Variants in TWF1 observed in about 807,000 individuals in gnomAD.
TWF1 encodes twinfilin-1.
A neutral mutation model predicts 47.9 loss-of-function variants in TWF1; 14 were observed. The ratio of observed to expected loss-of-function variants is 0.29; its 90% confidence interval spans 0.19 to 0.46. The LOEUF is 0.46. TWF1 is among the 20% of genes least tolerant of loss of function. The pLI, the probability that TWF1 is intolerant of heterozygous loss-of-function variation, is 1.00. For synonymous variants in TWF1, 96 were observed against 139.2 expected, an observed-to-expected ratio of 0.69 and a Z score of 2.18; for missense variants, 281 against 409.3, an observed-to-expected ratio of 0.69 and a Z score of 2.70.
intron 1 of TWF1, 64 bp from the exon 2 acceptor site, chr12:43,804,636 T>C (rs1451725779): frequency 1.5e-5 from 17 of 1,141,868 alleles, no homozygotes; most frequent in African/African-American, 3.2e-5. Flanking sequence ...CCTATCTATA[T>C]TGGAAAAGTT....
intron 2 of TWF1, chr12:43,804,072 GCAAT>G (rs1227135112): frequency 8.7e-6 from 2 of 228,776 alleles, no homozygotes; most frequent in Admixed American, 1.0e-4. Flanking sequence ...GGCAAAGGTT[GCAAT>G]CAAATGGAGA....
At chr12:43,802,733 A>T (rs1942685202) in intron 2 of TWF1, among the ~76,000 whole-genome samples, 1 of 152,198 alleles carries the variant, frequency 6.6e-6, no homozygotes, top group Non-Finnish European at 1.5e-5. Context: ...AGTTGAACTG[A>T]ATGGTCAAAT....
rs372408885 is a variant in TWF1, at chr12:43,795,714, A to G, written c.924T>C (p.Leu308=). The G allele has an allele frequency of 3.7e-6, 6 of 1,613,804 alleles. No individual in the cohort carries two copies. In the African/African-American group the frequency reaches 8.0e-5, roughly 22 times the overall value. Reference sequence around the variant, plus strand: ...GCTGCTTGGGATGTACTTCTTCATAAAGGAAGTCTGCAGTCAACTCATCCC... The same window carrying G: ...GCTGCTTGGGATGTACTTCTTCATAGAGGAAGTCTGCAGTCAACTCATCCC... ...DNGDELTADF[L]YEEVHPKQHA... The change falls in exon 9 of 9, where the codon CTT becomes CTC. Residue 308 remains leucine, a synonymous_variant. Coordinates refer to ENST00000395510, the MANE Select transcript of TWF1 (RefSeq NM_002822.5).
At chr12:43,802,714 G>C (rs1565701747) in intron 2 of TWF1, among the ~76,000 whole-genome samples, 1 of 152,074 alleles carries the variant, frequency 6.6e-6, no homozygotes. Flanking sequence ...ATATAAAAAT[G>C]ATCATAACAG....
In TWF1 at chr12:43,797,305, T is replaced by C. The variant is rs369976373; in HGVS notation, c.757A>G (p.Ile253Val). ...HSHEGDYLES[I>V]VFIYSMPGYT... ...TTAAAAACAATGTATCATATACCTA[T>C]GGACTCTAAATAGTCTCCTTCATGG... Residue 253 changes from isoleucine (I) to valine (V), a missense_variant, in exon 7 of 9, where the codon ATA becomes GTA. Coordinates refer to ENST00000395510, the MANE Select transcript of TWF1 (RefSeq NM_002822.5). 1 of 1,591,318 alleles carries C rather than the reference T, an allele frequency of 6.3e-7. No homozygotes were observed. Among genetic ancestry groups the C allele is most frequent in the East Asian group, 2.2e-5 (1 of 44,604 alleles).
Position 43,795,758 on chromosome 12 carries a change from G to A in TWF1, c.883-3C>T, listed in dbSNP as rs370928771. 3.1e-6 allele frequency: 5 copies of A among 1,611,528 alleles called. No individual in the cohort carries two copies. The Admixed American group carries it at 5.0e-5, about 16-fold the overall frequency. On this transcript the variant is annotated splice_region_variant and splice_polypyrimidine_tract_variant and intron_variant, in intron 8 of 8. Transcript: ENST00000395510. The stretch of plus-strand genomic sequence containing the variant: ...TCATCCCCATTGTCTATCTCGATCT[G>A]TAAAAGATAAAATTAGAAGCACAAC...
chr12:43,802,580 A>G (rs1366847990), intron 2 of TWF1, 116 bp from the exon 3 acceptor site: 2 of 761,710 alleles, frequency 2.6e-6, no homozygotes, highest in Non-Finnish European at 4.3e-6. Flanking sequence ...TATTCACATC[A>G]AAAAGTTGAA....
chr12:43,804,617 A>G, intron 1 of TWF1, 45 bp from the exon 2 acceptor site: 1 of 1,337,784 alleles, frequency 7.5e-7, no homozygotes, highest in East Asian at 2.3e-5. Context: ...ACTTACATAT[A>G]AATACTTTCC....
chr12:43,801,970 C>G (rs1942669776), intron 3 of TWF1, among the ~76,000 whole-genome samples: 1 of 152,132 alleles, frequency 6.6e-6, no homozygotes, highest in Non-Finnish European at 1.5e-5. Context: ...GCAGAGGTTG[C>G]AGTGAGCCGA....
chr12:43,797,647 C>T, intron 6 of TWF1, 61 bp downstream of exon 6: 1 of 1,567,660 alleles, frequency 6.4e-7, no homozygotes, highest in Non-Finnish European at 8.7e-7. Context: ...ATAATAAACC[C>T]TATATGAGTC....
chr12:43,804,946 G>C (rs938682953), intron 1 of TWF1, among the ~76,000 whole-genome samples: 2 of 152,144 alleles, frequency 1.3e-5, no homozygotes, highest in East Asian at 3.9e-4. Context: ...TCAGTTTCAA[G>C]CTTATGACAG....
At chr12:43,806,030 G>A in intron 1 of TWF1, 191 bp downstream of exon 1, 1 of 1,521,224 alleles carries the variant, frequency 6.6e-7, no homozygotes, top group Non-Finnish European at 8.8e-7. Context: ...CAGGGACCGG[G>A]CTGGAGGAGG....
chr12:43,805,145 C>T (rs1337697556), intron 1 of TWF1, among the ~76,000 whole-genome samples: 1 of 152,092 alleles, frequency 6.6e-6, no homozygotes, highest in East Asian at 1.9e-4. Context: ...AATAACTAAC[C>T]CTTGTGTTCC....
At chr12:43,797,949 A>C (rs1195385049) in intron 5 of TWF1, 116 bp from the exon 6 acceptor site, 1 of 1,097,794 alleles carries the variant, frequency 9.1e-7, no homozygotes, top group Non-Finnish European at 1.3e-6. Flanking sequence ...ACCTATAATT[A>C]AAATTATTTT....
rs374854447 is a variant in TWF1 at position 43,800,273 on chromosome 12, TATTC to T, written c.378+158_378+161del. Among the ~76,000 whole-genome samples the T allele has an allele frequency of 4.1e-4, 62 of 152,322 alleles. No homozygotes were observed. The East Asian group carries it at 9.8e-3, about 24-fold the overall frequency. On this transcript the variant is annotated intron_variant, in intron 4 of 8. Coordinates refer to ENST00000395510, the MANE Select transcript of TWF1 (RefSeq NM_002822.5). ...ACAAATGAATAAACTCAAAGTTACA[TATTC>T]ATTACAGCTAACTTTAATATTATAT...
chr12:43,805,309 A>C (rs953882839), intron 1 of TWF1, among the ~76,000 whole-genome samples: 3 of 151,732 alleles, frequency 2.0e-5, no homozygotes, highest in African/African-American at 4.8e-5. Flanking sequence ...TAAATAAAAC[A>C]AAGTTTTCAG....
chr12:43,802,705 T>C, intron 2 of TWF1, among the ~76,000 whole-genome samples: 1 of 152,084 alleles, frequency 6.6e-6, no homozygotes, highest in East Asian at 1.9e-4. Flanking sequence ...GAAAGAAACA[T>C]ATAAAAATGA....
At position 43,795,635 on chromosome 12, in the gene TWF1, T is replaced by C; in HGVS notation, c.1003A>G (p.Ile335Val). 6.2e-7 allele frequency: 1 copy of C among 1,612,868 alleles called. No homozygotes were observed. The highest frequency in any genetic ancestry group is 2.2e-5 in the East Asian group (1 of 44,870). Residue 335 changes from isoleucine to valine, a missense_variant, in exon 9 of 9, where the codon ATT becomes GTT. Ile to Val is a conservative substitution (Grantham distance 29). Transcript: ENST00000395510. ...GCTGGGCCCCTAATTAGTCTTCGAA[T>C]TCCTCTTTTTCCTGCAGGACCTTTT... ...KPKGPAGKRG[I>V]RRLIRGPAET...
chr12:43,804,837 T>A (rs989285515), intron 1 of TWF1, among the ~76,000 whole-genome samples: 1 of 152,254 alleles, frequency 6.6e-6, no homozygotes, highest in East Asian at 1.9e-4. Flanking sequence ...GGGGTGAATA[T>A]ACTGAAGTTA....
Sources: allele counts gnomAD v4.1 joint callset (sites outside exome capture counted in the v4.1 genomes callset), GRCh38; gene constraint gnomAD v4.1.1; transcripts MANE v1.5; gene names NCBI Gene and HGNC (gene_info 2026-07-23, HGNC 2026-07-21).